Variants in ASXL2 observed in about 807,000 individuals in gnomAD.
ASXL2 encodes the protein putative Polycomb group protein ASXL2.
A neutral mutation model predicts 122.0 loss-of-function variants in ASXL2; 23 were observed. That is an observed-to-expected ratio of 0.19 (90% CI 0.14 to 0.27). ASXL2 has a LOEUF of 0.27. Among genes scored for constraint, ASXL2 ranks in the 10% least tolerant of loss-of-function variants. The pLI is 1.00. For synonymous variants in ASXL2, 650 were observed against 637.0 expected (o/e 1.02, Z -0.31); for missense variants, 1,518 against 1,713.8 (o/e 0.89, Z 2.02).
At chr2:25,779,933 T>G (rs1258934387) in intron 5 of ASXL2, among the ~76,000 whole-genome samples, 1 of 152,338 alleles carries the variant, frequency 6.6e-6, no homozygotes, top group East Asian at 1.9e-4. Flanking sequence ...AATGGCACGA[T>G]CTTGGCTTGC....
chr2:25,865,300 G>A (rs953033599), intron 1 of ASXL2, among the ~76,000 whole-genome samples: 13 of 151,574 alleles, frequency 8.6e-5, no homozygotes, highest in Admixed American at 1.3e-4. Flanking sequence ...GTGTGGTGGC[G>A]CGCACCTTTA....
chr2:25,873,031 C>T (rs557569241), intron 1 of ASXL2, among the ~76,000 whole-genome samples: 1 of 152,082 alleles, frequency 6.6e-6, no homozygotes, highest in African/African-American at 2.4e-5. Context: ...TTTTGGTGCA[C>T]CCATCACCCG....
At chr2:25,875,492 T>A (rs977547792) in intron 1 of ASXL2, among the ~76,000 whole-genome samples, 1 of 151,822 alleles carries the variant, frequency 6.6e-6, no homozygotes, top group Admixed American at 6.6e-5. Flanking sequence ...TAAATACAAT[T>A]ATAATAATAA....
intron 1 of ASXL2, among the ~76,000 whole-genome samples, chr2:25,877,314 T>C (rs1206915281): frequency 1.3e-5 from 2 of 152,206 alleles, no homozygotes; most frequent in African/African-American, 2.4e-5. Context: ...GCATACAACA[T>C]GCTTTTAATT....
intron 4 of ASXL2, among the ~76,000 whole-genome samples, chr2:25,805,994 C>T (rs929236781): frequency 1.1e-4 from 17 of 152,144 alleles, no homozygotes; most frequent in African/African-American, 3.1e-4. Context: ...ATTTTAATTT[C>T]GTTCTTTCTA....
rs369206876 is a variant in ASXL2 at position 25,743,061 on chromosome 2, G to A, written c.3276C>T (p.His1092=). The A allele has an allele frequency of 8.1e-6, 13 of 1,613,912 alleles. No individual in the cohort carries two copies. The African/African-American group carries it at 1.7e-4, about 22-fold the overall frequency. The part of the protein sequence containing the change: ...VVPPSQFNFA[H]SGFQLEDIST... Reference sequence around the variant, plus strand: ...AGATGTCTTCCAGCTGGAAACCTGAGTGAGCGAAGTTGAACTGTGAGGGCG... The same window carrying A: ...AGATGTCTTCCAGCTGGAAACCTGAATGAGCGAAGTTGAACTGTGAGGGCG... Residue 1092 remains histidine, a synonymous_variant, in exon 13 of 13, where the codon CAC becomes CAT. Coordinates refer to ENST00000435504, the MANE Select transcript of ASXL2 (RefSeq NM_018263.6).
intron 1 of ASXL2, among the ~76,000 whole-genome samples, chr2:25,871,350 G>A (rs1026663502): frequency 6.6e-6 from 1 of 152,184 alleles, no homozygotes; most frequent in African/African-American, 2.4e-5. Flanking sequence ...GATAGAATCT[G>A]TGGATGGGGA....
Position 25,780,871 on chromosome 2 carries a change from A to C in ASXL2, c.404-9331T>G, listed in dbSNP as rs181028002. Among the ~76,000 whole-genome samples, 331 of 151,028 alleles carry C rather than the reference A, an allele frequency of 2.2e-3. 8 individuals are homozygous for C. Among genetic ancestry groups the C allele is most frequent in the Admixed American group, 0.016 (236 of 15,144 alleles). Reference sequence around the variant, plus strand: ...GGGAGGCCGAGGTGGGCGGATCACGAGGTCAGGAGATCGAGACCATCCTAG... The same window carrying C: ...GGGAGGCCGAGGTGGGCGGATCACGCGGTCAGGAGATCGAGACCATCCTAG... On this transcript the variant is annotated intron_variant, in intron 5 of 12. Coordinates refer to ENST00000435504, the MANE Select transcript of ASXL2 (RefSeq NM_018263.6).
intron 6 of ASXL2, 143 bp from the exon 7 acceptor site, chr2:25,769,011 A>G: frequency 2.0e-6 from 2 of 990,402 alleles, no homozygotes; most frequent in South Asian, 3.9e-5. Flanking sequence ...AACCTAAATT[A>G]AGCTAACTCT....
At chr2:25,765,292 T>C (rs757426810) in intron 8 of ASXL2, among the ~76,000 whole-genome samples, 3 of 152,066 alleles carry the variant, frequency 2.0e-5, no homozygotes, top group Non-Finnish European at 2.9e-5. Flanking sequence ...AAGACCATCC[T>C]GGCTAACACA....
chr2:25,760,679 A>C (rs2088227174), intron 8 of ASXL2, among the ~76,000 whole-genome samples: 3 of 152,210 alleles, frequency 2.0e-5, no homozygotes, highest in Admixed American at 2.0e-4. Context: ...AAAAGAAAGG[A>C]TTTCCCTCAA....
Position 25,878,417 on chromosome 2 carries a change from G to C in ASXL2, c.-195C>G. 1 of 601,882 alleles carries C rather than the reference G, an allele frequency of 1.7e-6. No individual in the cohort carries two copies. Among genetic ancestry groups the C allele is most frequent in the Non-Finnish European group, 2.9e-6 (1 of 340,070 alleles). The allele number at this position is 601,882 out of a possible 1,614,324, so 37.3% of individuals were successfully genotyped here. On this transcript the variant is annotated 5_prime_UTR_variant, in exon 1 of 13. Transcript: ENST00000435504. ...GGTCTATGGGGCGGCCGGTCCTCTT[G>C]CTGCCGTTGCCACTGCTACCGCCGC...
chr2:25,786,243 C>CTTTTTTTTTTTTTTTTTTTTTTTTT lies in ASXL2; in HGVS notation c.403+13141_403+13142insAAAAAAAAAAAAAAAAAAAAAAAAA, dbSNP rs370316025. ...AAACAACCTACTACTCCACATCATTCTTTTTTTTTTTTTTTTGAGATGGAG... is the reference window on the plus strand; with the variant it reads ...AAACAACCTACTACTCCACATCATTCTTTTTTTTTTTTTTTTTTTTTTTTTTTTTTTTTTTTTTTTTGAGATGGAG... On this transcript the variant is annotated intron_variant, in intron 5 of 12. Coordinates refer to ENST00000435504, the MANE Select transcript of ASXL2 (RefSeq NM_018263.6). Among the ~76,000 whole-genome samples, 13 of 112,420 alleles carry CTTTTTTTTTTTTTTTTTTTTTTTTT rather than the reference C, an allele frequency of 1.2e-4. 2 individuals carry two copies. The highest frequency in any genetic ancestry group is 4.2e-4 in the African/African-American group (11 of 26,192). 73.8% of individuals were successfully genotyped at this position (112,420 alleles called of 152,430 possible). A position where few individuals can be genotyped will look rare whatever the true frequency, so the allele number is the denominator to read the frequency against.
intron 3 of ASXL2, among the ~76,000 whole-genome samples, chr2:25,814,521 AC>A (rs1218791035): frequency 6.6e-6 from 1 of 152,202 alleles, no homozygotes; most frequent in African/African-American, 2.4e-5. Context: ...CTATCACACA[AC>A]AAGTCAGCTT....
At chr2:25,764,623 TTTTG>T (rs1231508258) in intron 8 of ASXL2, among the ~76,000 whole-genome samples, 3 of 152,222 alleles carry the variant, frequency 2.0e-5, no homozygotes, top group Non-Finnish European at 4.4e-5. Context: ...GCTACCAGTT[TTTTG>T]TTTAATATAA....
intron 1 of ASXL2, among the ~76,000 whole-genome samples, chr2:25,866,922 C>T (rs549962808): frequency 2.0e-5 from 3 of 149,498 alleles, no homozygotes; most frequent in Non-Finnish European, 4.4e-5. Flanking sequence ...TTTTTTGAGA[C>T]AGTGTTTTGC....
chr2:25,852,072 T>C (rs989701935), intron 1 of ASXL2, among the ~76,000 whole-genome samples: 1 of 151,994 alleles, frequency 6.6e-6, no homozygotes. Context: ...ATGACTACAG[T>C]AGTTTTGCAA....
intron 8 of ASXL2, among the ~76,000 whole-genome samples, chr2:25,762,665 G>GAAAAAAAAA (rs60065368): frequency 0.01 from 351 of 34,022 alleles, no homozygotes; most frequent in Middle Eastern, 0.021. Flanking sequence ...ACTCTTTCTC[G>GAAAAAAAAA]AAAAAAAAAA....
At chr2:25,877,252 G>A (rs553396673) in intron 1 of ASXL2, among the ~76,000 whole-genome samples, 2 of 152,078 alleles carry the variant, frequency 1.3e-5, no homozygotes, top group Admixed American at 1.3e-4. Flanking sequence ...TTACTTTTCT[G>A]CTGCACCCTC....
Sources: allele counts gnomAD v4.1 joint callset (sites outside exome capture counted in the v4.1 genomes callset), GRCh38; gene constraint gnomAD v4.1.1; transcripts MANE v1.5; gene names NCBI Gene and HGNC (gene_info 2026-07-23, HGNC 2026-07-21).